MARCHF1: variants seen among roughly 807,000 people sequenced by gnomAD.
The protein encoded by MARCHF1 is E3 ubiquitin-protein ligase MARCHF1.
Under a neutral mutation model 54.2 loss-of-function variants are expected in MARCHF1, and 40 were observed. That is an observed-to-expected ratio of 0.74 (90% CI 0.57 to 0.96). The LOEUF (loss-of-function observed/expected upper bound fraction) is 0.96, where lower values mean the gene tolerates loss of function less well. Among genes scored for constraint, MARCHF1 ranks in the 40% least tolerant of loss-of-function variants. The pLI is 0.00. For synonymous variants in MARCHF1, 236 were observed against 236.3 expected (o/e 1.00, Z 0.01); for missense variants, 586 against 656.5 (o/e 0.89, Z 1.17).
At chr4:164,319,745 G>T (rs956603343) in intron 1 of MARCHF1, among the ~76,000 whole-genome samples, 1 of 152,056 alleles carries the variant, frequency 6.6e-6, no homozygotes, top group Non-Finnish European at 1.5e-5. Context: ...GGGAAACAAA[G>T]ATGTATTTGA....
intron 1 of MARCHF1, among the ~76,000 whole-genome samples, chr4:164,250,587 G>C (rs927507908): frequency 1.3e-5 from 2 of 151,780 alleles, no homozygotes; most frequent in Non-Finnish European, 2.9e-5. Context: ...TAAATGATGT[G>C]GCATTTTAAT....
At position 163,612,780 on chromosome 4, in the gene MARCHF1, C is replaced by T; in HGVS notation, c.501G>A (p.Glu167=). 1 of 1,535,496 alleles carries T rather than the reference C, an allele frequency of 6.5e-7. No individual in the cohort carries two copies. ...TDSSDSSSTD[E]SHWIQAKRRA... ...TTCTTTTTGCCTGAATCCAATGACT[C>T]TCATCTGTGGAAGATGAATCTGAAG... The change falls in exon 7 of 10, where the codon GAG becomes GAA. Residue 167 remains glutamate (E), a synonymous_variant. Transcript: ENST00000514618.
At chr4:164,258,097 T>G (rs1489067992) in intron 1 of MARCHF1, among the ~76,000 whole-genome samples, 1 of 152,098 alleles carries the variant, frequency 6.6e-6, no homozygotes, top group Non-Finnish European at 1.5e-5. Context: ...TTCATGTCCT[T>G]TGCAGGGACA....
At chr4:164,014,253 A>C (rs1753490335) in intron 2 of MARCHF1, among the ~76,000 whole-genome samples, 1 of 151,876 alleles carries the variant, frequency 6.6e-6, no homozygotes, top group Admixed American at 6.6e-5. Flanking sequence ...AGGGTGGAAT[A>C]AAAAAGTGTA....
At chr4:164,037,185 C>A (rs1363068382) in intron 2 of MARCHF1, among the ~76,000 whole-genome samples, 1 of 152,024 alleles carries the variant, frequency 6.6e-6, no homozygotes, top group Non-Finnish European at 1.5e-5. Context: ...GATATTCAAG[C>A]AGAGATGCTC....
chr4:163,994,843 A>T (rs1272963525), intron 2 of MARCHF1, among the ~76,000 whole-genome samples: 1 of 151,254 alleles, frequency 6.6e-6, no homozygotes, highest in Non-Finnish European at 1.5e-5. Flanking sequence ...AGATGTAGAG[A>T]TACATGTATC....
chr4:164,018,307 T>C (rs550920450), intron 2 of MARCHF1, among the ~76,000 whole-genome samples: 132 of 152,064 alleles, frequency 8.7e-4, no homozygotes, highest in African/African-American at 3.0e-3. Flanking sequence ...AAATAACAAC[T>C]ACCATGTCTT....
chr4:163,889,015 C>G (rs1750598508), intron 3 of MARCHF1, among the ~76,000 whole-genome samples: 1 of 152,076 alleles, frequency 6.6e-6, no homozygotes, highest in African/African-American at 2.4e-5. Flanking sequence ...GGTAGGTATA[C>G]AAGAGCTATT....
chr4:164,323,311 A>G (rs948463323), intron 1 of MARCHF1, among the ~76,000 whole-genome samples: 1 of 151,788 alleles, frequency 6.6e-6, no homozygotes, highest in Non-Finnish European at 1.5e-5. Flanking sequence ...TATAAAAAGC[A>G]TATATAAGAA....
intron 2 of MARCHF1, among the ~76,000 whole-genome samples, chr4:164,081,703 T>C (rs991960220): frequency 7.9e-5 from 12 of 152,198 alleles, no homozygotes; most frequent in African/African-American, 2.9e-4. Flanking sequence ...CACATGTGCA[T>C]GCATATACAC....
chr4:163,850,868 G>A (rs1749622038), intron 4 of MARCHF1, among the ~76,000 whole-genome samples: 1 of 152,126 alleles, frequency 6.6e-6, no homozygotes, highest in Non-Finnish European at 1.5e-5. Context: ...CTAGTGTGAA[G>A]GCAGATACGT....
chr4:163,779,678 T>C (rs890485764), intron 4 of MARCHF1, among the ~76,000 whole-genome samples: 3 of 152,188 alleles, frequency 2.0e-5, no homozygotes, highest in Non-Finnish European at 4.4e-5. Context: ...TCAATTTATT[T>C]GCTCTGAACT....
At chr4:163,558,939 A>G (rs1329333956) in intron 8 of MARCHF1, among the ~76,000 whole-genome samples, 7 of 152,220 alleles carry the variant, frequency 4.6e-5, no homozygotes, top group Non-Finnish European at 8.8e-5. Flanking sequence ...CAGAATAGAT[A>G]CATTTATAAC....
intron 3 of MARCHF1, among the ~76,000 whole-genome samples, chr4:163,894,828 T>TAC (rs1579373471): frequency 1.0e-5 from 1 of 97,260 alleles, no homozygotes; most frequent in Non-Finnish European, 2.3e-5. Flanking sequence ...GATGCATATA[T>TAC]ATATGCATGT....
intron 1 of MARCHF1, chr4:164,383,529 C>G (rs1054699983): frequency 5.9e-5 from 9 of 152,320 alleles, no homozygotes; most frequent in South Asian, 2.1e-4. Flanking sequence ...AACAGCGCGC[C>G]GCGCACTGGG....
At chr4:164,033,258 T>C (rs540980841) in intron 2 of MARCHF1, among the ~76,000 whole-genome samples, 2 of 151,632 alleles carry the variant, frequency 1.3e-5, no homozygotes, top group South Asian at 4.2e-4. Flanking sequence ...TCCCTATACC[T>C]TATACAAAAA....
At chr4:163,679,337 C>A (rs757882190) in intron 5 of MARCHF1, among the ~76,000 whole-genome samples, 4 of 152,104 alleles carry the variant, frequency 2.6e-5, no homozygotes, top group African/African-American at 9.7e-5. Flanking sequence ...CATTTTTTTC[C>A]TATTGCCAGA....
At position 163,970,998 on chromosome 4, in the gene MARCHF1, G is replaced by A. The variant is rs185948352; in HGVS notation, c.-39+17503C>T. ...TAATTTCTGAACATTACAGACTACA[G>A]TGAGACTCTCAATTTCACTAGTTCG... is the stretch of plus-strand genomic sequence containing the variant. On this transcript the variant is annotated intron_variant, in intron 3 of 9. Transcript: ENST00000514618. Among the ~76,000 whole-genome samples, 10 of 152,278 alleles carry A rather than the reference G, an allele frequency of 6.6e-5. No individual in the cohort carries two copies. The East Asian group carries it at 1.7e-3, about 26-fold the overall frequency.
At chr4:163,670,805 A>G (rs1371697333) in intron 5 of MARCHF1, among the ~76,000 whole-genome samples, 3 of 152,154 alleles carry the variant, frequency 2.0e-5, no homozygotes, top group Non-Finnish European at 4.4e-5. Flanking sequence ...GAGAAACACA[A>G]ATGTTTTTAT....
Sources: allele counts gnomAD v4.1 joint callset (sites outside exome capture counted in the v4.1 genomes callset), GRCh38; gene constraint gnomAD v4.1.1; transcripts MANE v1.5; gene names NCBI Gene and HGNC (gene_info 2026-07-23, HGNC 2026-07-21).